COX20: variants seen among roughly 807,000 people sequenced by gnomAD.
COX20 encodes cytochrome c oxidase assembly protein COX20, mitochondrial.
In COX20, 14 loss-of-function variants were observed where a neutral mutation model predicts 14.3. The observed-to-expected ratio is 0.98, with a 90% confidence interval of 0.65 to 1.53. COX20 has a LOEUF of 1.53. COX20 is among the 40% of genes most tolerant of loss of function. The pLI, the probability that COX20 is intolerant of heterozygous loss-of-function variation, is 0.00. For missense variants in COX20, 149 were observed against 142.1 expected (o/e 1.05, Z -0.25); for synonymous variants, 56 against 51.7 (o/e 1.08, Z -0.36).
chr1:244,835,507 C>G, upstream of COX20: 1 of 389,922 alleles, frequency 2.6e-6, no homozygotes, highest in South Asian at 1.4e-4. Context: ...AAAGTGTGAC[C>G]CGTTCGACGG....
chr1:244,835,656 G>A (rs920039700), upstream of COX20: 2 of 1,216,512 alleles, frequency 1.6e-6, no homozygotes, highest in African/African-American at 1.6e-5. Context: ...GCGGCCAGCC[G>A]GGCTTCTGCT....
intron 1 of COX20, chr1:244,836,652 G>C: frequency 1.3e-6 from 1 of 740,954 alleles, no homozygotes. Flanking sequence ...ATATAAACTA[G>C]GGAGATCGTA....
intron 3 of COX20, chr1:244,842,777 T>G: frequency 3.3e-6 from 1 of 304,338 alleles, no homozygotes. Context: ...TAGCCAATGC[T>G]ATCAGAAGAC....
chr1:244,837,206 T>C (rs1409430824), intron 1 of COX20, among the ~76,000 whole-genome samples: 1 of 151,992 alleles, frequency 6.6e-6, no homozygotes, highest in African/African-American at 2.4e-5. Context: ...AAGATAGTTA[T>C]AAGCCTCAAA....
At position 244,842,214 on chromosome 1, in the gene COX20, T is replaced by G; in HGVS notation, c.177T>G (p.Cys59Trp). The change falls in exon 3 of 4, where the codon TGT becomes TGG. Residue 59 changes from cysteine to tryptophan, a missense_variant. Transcript: ENST00000411948. ...TTACAGGTAGAATTAGAAGATCATG[T>G]GATGTTGGAGTAGGAGGGTTTATCT... Reference protein sequence around the residue: ...FLFTSRIRRSCDVGVGGFILV... With the variant: ...FLFTSRIRRSWDVGVGGFILV... 3 of 1,608,248 alleles carry G rather than the reference T, an allele frequency of 1.9e-6. No homozygotes were observed. Among genetic ancestry groups the G allele is most frequent in the East Asian group, 2.2e-5 (1 of 44,812 alleles).
In COX20 at chr1:244,835,723, C is replaced by A. The variant is rs1445158730; in HGVS notation, c.9C>A (p.Ala3=). The change falls in exon 1 of 4, where the codon GCC becomes GCA. Residue 3 remains alanine, a synonymous_variant. Coordinates refer to ENST00000411948, the MANE Select transcript of COX20 (RefSeq NM_198076.6). MA[A]PPEPGEPEER... is the part of the protein sequence containing the mutation. Reference sequence around the variant, plus strand: ...GTCGCGGAGTAGTCCTCATGGCCGCCCCGCCGGAGCCCGGTGAGCCCGAGG... The same window carrying A: ...GTCGCGGAGTAGTCCTCATGGCCGCACCGCCGGAGCCCGGTGAGCCCGAGG... 6 of 1,268,490 alleles carry A rather than the reference C, an allele frequency of 4.7e-6. No homozygotes were observed. The highest frequency in any genetic ancestry group is 6.0e-6 in the Non-Finnish European group (6 of 1,004,536). 78.6% of individuals were successfully genotyped at this position (1,268,490 alleles called of 1,614,324 possible). A position where few individuals can be genotyped will look rare whatever the true frequency, so the allele number is the denominator to read the frequency against.
Position 244,835,768 on chromosome 1 carries a change from G to A in COX20, c.42+12G>A, listed in dbSNP as rs1261811152. On this transcript the variant is annotated intron_variant, in intron 1 of 3. Coordinates refer to ENST00000411948, the MANE Select transcript of COX20 (RefSeq NM_198076.6). ...CCGAGGAGAGGAAGGTAACCTGGGG[G>A]TCGGCGGGGCGCGCGCCGCGGGTGG... is the stretch of plus-strand genomic sequence containing the variant. 4.0e-6 allele frequency: 5 copies of A among 1,254,464 alleles called. No individual in the cohort carries two copies. The highest frequency in any genetic ancestry group is 5.0e-6 in the Non-Finnish European group (5 of 997,866). 77.7% of individuals were successfully genotyped at this position (1,254,464 alleles called of 1,614,324 possible).
chr1:244,836,939 C>T (rs1052856624), intron 1 of COX20, among the ~76,000 whole-genome samples: 9 of 150,934 alleles, frequency 6.0e-5, no homozygotes, highest in African/African-American at 2.2e-4. Flanking sequence ...CCATACACTG[C>T]CCATCTGGAA....
At chr1:244,840,761 C>T (rs574373525) in intron 1 of COX20, 4 of 152,298 alleles carry the variant, frequency 2.6e-5, no homozygotes, top group African/African-American at 4.8e-5. Flanking sequence ...CATGTTTCAA[C>T]CTTTAATCTG....
rs1269313045 is a variant in COX20 at position 244,835,663 on chromosome 1, T to C, written c.-52T>C. On this transcript the variant is annotated 5_prime_UTR_variant, in exon 1 of 4. Coordinates refer to ENST00000411948, the MANE Select transcript of COX20 (RefSeq NM_198076.6). The stretch of plus-strand genomic sequence containing the variant: ...GGAGGGGCGCGGCCAGCCGGGCTTC[T>C]GCTTCCGCGACCCCGGCGGTGCAGG... The C allele has an allele frequency of 1.6e-6, 2 of 1,229,624 alleles. No homozygotes were observed. The highest frequency in any genetic ancestry group is 2.0e-6 in the Non-Finnish European group (2 of 983,758). The allele number at this position is 1,229,624 out of a possible 1,614,324, so 76.2% of individuals were successfully genotyped here. A position where few individuals can be genotyped will look rare whatever the true frequency, so the allele number is the denominator to read the frequency against.
intron 1 of COX20, chr1:244,836,621 A>G: frequency 2.8e-6 from 3 of 1,079,062 alleles, no homozygotes; most frequent in Non-Finnish European, 4.0e-6. Context: ...GAAAAGAATA[A>G]TGCAAGAGGA....
In COX20 at chr1:244,843,488, T is replaced by G. The variant is rs929047057; in HGVS notation, c.*312T>G. On this transcript the variant is annotated 3_prime_UTR_variant, in exon 4 of 4. Transcript: ENST00000411948. The stretch of plus-strand genomic sequence containing the variant: ...TTTCCTTGTAGTAGTAAGTATAGAG[T>G]TTGATGATAAGTAAACGTCCCTTAA... 4 of 243,626 alleles carry G rather than the reference T, an allele frequency of 1.6e-5. No homozygotes were observed. Among genetic ancestry groups the G allele is most frequent in the Non-Finnish European group, 2.4e-5 (3 of 127,648 alleles). The allele number at this position is 243,626 out of a possible 1,614,324, so 15.1% of individuals were successfully genotyped here.
chr1:244,838,091 A>G (rs1392722294), intron 1 of COX20, among the ~76,000 whole-genome samples: 1 of 152,170 alleles, frequency 6.6e-6, no homozygotes, highest in African/African-American at 2.4e-5. Context: ...TTAGCAATGA[A>G]GTTGGTGGGC....
intron 1 of COX20, among the ~76,000 whole-genome samples, chr1:244,836,894 T>G (rs1261048878): frequency 6.6e-6 from 1 of 152,152 alleles, no homozygotes; most frequent in Non-Finnish European, 1.5e-5. Context: ...GTTGTCAGTT[T>G]ACGTACTACT....
chr1:244,842,137 TG>T, intron 2 of COX20, 57 bp from the exon 3 acceptor site: 1 of 1,458,342 alleles, frequency 6.9e-7, no homozygotes, highest in Non-Finnish European at 9.6e-7. Context: ...TTTTTCTAGG[TG>T]GAGTAATGTA....
intron 1 of COX20, among the ~76,000 whole-genome samples, chr1:244,837,885 G>A (rs1394565085): frequency 6.6e-6 from 1 of 152,160 alleles, no homozygotes; most frequent in Non-Finnish European, 1.5e-5. Flanking sequence ...TTGGAGCAAT[G>A]GTAAGGATTC....
chr1:244,835,769 T>C lies in COX20; in HGVS notation c.42+13T>C, dbSNP rs981930778. On this transcript the variant is annotated intron_variant, in intron 1 of 3. Coordinates refer to ENST00000411948, the MANE Select transcript of COX20 (RefSeq NM_198076.6). ...CGAGGAGAGGAAGGTAACCTGGGGG[T>C]CGGCGGGGCGCGCGCCGCGGGTGGG... The C allele has an allele frequency of 1.6e-5, 20 of 1,247,838 alleles. No individual in the cohort carries two copies. The highest frequency in any genetic ancestry group is 2.0e-5 in the Non-Finnish European group (20 of 994,938). 77.3% of individuals were successfully genotyped at this position (1,247,838 alleles called of 1,614,324 possible).
Position 244,843,374 on chromosome 1 carries a change from A to G in COX20, c.*198A>G, listed in dbSNP as rs1326981145. On this transcript the variant is annotated 3_prime_UTR_variant, in exon 4 of 4. Coordinates refer to ENST00000411948, the MANE Select transcript of COX20 (RefSeq NM_198076.6). The stretch of plus-strand genomic sequence containing the variant: ...AGGATAGCATTCTTACGTGTTACAT[A>G]TAGTGGACTTGTCATCCTTAAAATG... 5.5e-6 allele frequency: 3 copies of G among 543,798 alleles called. No homozygotes were observed. The highest frequency in any genetic ancestry group is 3.9e-5 in the Admixed American group (1 of 25,460). 33.7% of individuals were successfully genotyped at this position (543,798 alleles called of 1,614,324 possible).
At chr1:244,835,382 G>C (rs1470931463), upstream of COX20, 10 of 285,544 alleles carry the variant, frequency 3.5e-5, no homozygotes, top group Admixed American at 5.3e-4. Flanking sequence ...CGGGAAGCGG[G>C]GCTGTCTGGC....
Sources: allele counts gnomAD v4.1 joint callset (sites outside exome capture counted in the v4.1 genomes callset), GRCh38; gene constraint gnomAD v4.1.1; transcripts MANE v1.5; gene names NCBI Gene and HGNC (gene_info 2026-07-23, HGNC 2026-07-21).